NPY5R: variants seen among roughly 807,000 people sequenced by gnomAD.
NPY5R encodes neuropeptide Y receptor type 5.
In NPY5R, 21 loss-of-function variants were observed where a neutral mutation model predicts 24.8. The ratio of observed to expected loss-of-function variants is 0.85; its 90% CI spans 0.60 to 1.22. The LOEUF (loss-of-function observed/expected upper bound fraction) is 1.22, where lower values mean the gene tolerates loss of function less well. NPY5R is among the 50% of genes most tolerant of loss of function. The pLI, the probability that NPY5R is intolerant of heterozygous loss-of-function variation, is 0.00. For missense variants in NPY5R, 481 were observed against 521.3 expected (o/e 0.92, Z 0.75); for synonymous variants, 175 against 183.0 (o/e 0.96, Z 0.35).
rs752715264 is a variant in NPY5R at position 163,347,457 on chromosome 4, A to G, written c.-75A>G. On this transcript the variant is annotated 5_prime_UTR_variant, in exon 3 of 4. Transcript: ENST00000338566. ...TCTCTCTTGTTCTTGCTTAGGTGTT[A>G]CAAGGAAAGGCTATCGGTAACAACT... 6.6e-6 allele frequency: 1 copy of G among 152,256 alleles called. No individual in the cohort carries two copies. Among genetic ancestry groups the G allele is most frequent in the Non-Finnish European group, 1.5e-5 (1 of 68,048 alleles). 9.4% of individuals were successfully genotyped at this position (152,256 alleles called of 1,614,324 possible). A position where few individuals can be genotyped will look rare whatever the true frequency, so the allele number is the denominator to read the frequency against.
intron 2 of NPY5R, among the ~76,000 whole-genome samples, chr4:163,347,014 T>C (rs1002608701): frequency 7.9e-5 from 12 of 152,206 alleles, no homozygotes; most frequent in African/African-American, 2.9e-4. Flanking sequence ...TATACACACA[T>C]ATATATGTAC....
chr4:163,350,524 C>T lies in NPY5R; in HGVS notation c.251C>T (p.Ala84Val), dbSNP rs1226794730. ...TTVNFLIGNL[A>V]FSDILVVLFC... is the part of the protein sequence containing the mutation. ...GTAAACTTCCTCATAGGCAATCTGG[C>T]CTTTTCTGATATCTTGGTTGTGCTG... The change falls in exon 4 of 4, where the codon GCC becomes GTC. Residue 84 changes from alanine (A) to valine (V), a missense_variant. By Grantham distance (64) the Ala-to-Val change is moderately conservative (BLOSUM62 0). Transcript: ENST00000338566. 1 of 1,614,134 alleles carries T rather than the reference C, an allele frequency of 6.2e-7. No homozygotes were observed. Among genetic ancestry groups the T allele is most frequent in the East Asian group, 2.2e-5 (1 of 44,882 alleles).
In NPY5R at chr4:163,351,110, T is replaced by C. The variant is rs1207730935; in HGVS notation, c.837T>C (p.Tyr279=). 5.0e-6 allele frequency: 8 copies of C among 1,614,108 alleles called. No homozygotes were observed. The South Asian group carries it at 5.5e-5, about 11-fold the overall frequency. Residue 279 remains tyrosine (Y), a synonymous_variant, in exon 4 of 4, where the codon TAT becomes TAC. Transcript: ENST00000338566. ...TCTCTGGCAGCCATAAATGGAGTTA[T>C]TCATTCATCAAAAAACACAGAAGAA... The part of the protein sequence containing the change: ...VKLSGSHKWS[Y]SFIKKHRRRY...
At position 163,350,074 on chromosome 4, in the gene NPY5R, A is replaced by C. The variant is rs896151085; in HGVS notation, c.-9-191A>C. On this transcript the variant is annotated intron_variant, in intron 3 of 3. Coordinates refer to ENST00000338566, the MANE Select transcript of NPY5R (RefSeq NM_006174.4). ...AGCCGAGATGGCGCCACTGCACTCC[A>C]GCCTGGGCGACAGAGCGAGACTCCG... 2.9e-5 allele frequency: 10 copies of C among 341,434 alleles called. No homozygotes were observed. In the Admixed American group the frequency reaches 3.4e-4, roughly 12 times the overall value. 21.2% of individuals were successfully genotyped at this position (341,434 alleles called of 1,614,324 possible).
Position 163,351,235 on chromosome 4 carries a change from G to A in NPY5R, c.962G>A (p.Ser321Asn). 1 of 1,614,166 alleles carries A rather than the reference G, an allele frequency of 6.2e-7. No individual in the cohort carries two copies. The highest frequency in any genetic ancestry group is 8.5e-7 in the Non-Finnish European group (1 of 1,180,010). ...ILPENFGSVR[S>N]QLSSSSKFIP... Reference sequence around the variant, plus strand: ...CCAGAAAACTTTGGCTCTGTAAGAAGTCAGCTCTCTTCATCCAGTAAGTTC... The same window carrying A: ...CCAGAAAACTTTGGCTCTGTAAGAAATCAGCTCTCTTCATCCAGTAAGTTC... Residue 321 changes from serine to asparagine, a missense_variant, in exon 4 of 4, where the codon AGT becomes AAT. Transcript: ENST00000338566.
chr4:163,345,962 T>A (rs1202246161), intron 2 of NPY5R, among the ~76,000 whole-genome samples: 2 of 104,548 alleles, frequency 1.9e-5, no homozygotes. Context: ...GCATTTGCAA[T>A]ATTCATTATT....
At chr4:163,348,479 A>G (rs1560868541) in intron 3 of NPY5R, among the ~76,000 whole-genome samples, 1 of 151,814 alleles carries the variant, frequency 6.6e-6, no homozygotes, top group African/African-American at 2.4e-5. Context: ...AAATAGAAAG[A>G]TTAGCCAGAT....
intron 3 of NPY5R, among the ~76,000 whole-genome samples, chr4:163,347,951 T>C (rs1738162407): frequency 6.6e-6 from 1 of 152,222 alleles, no homozygotes; most frequent in African/African-American, 2.4e-5. Flanking sequence ...GAAAAACTTG[T>C]AACTTTTCTC....
chr4:163,348,473 A>G (rs919140655), intron 3 of NPY5R, among the ~76,000 whole-genome samples: 1 of 151,952 alleles, frequency 6.6e-6, no homozygotes, highest in Admixed American at 6.6e-5. Context: ...CACAAAAAAT[A>G]GAAAGATTAG....
At position 163,350,237 on chromosome 4, in the gene NPY5R, C is replaced by T. The variant is rs763606723; in HGVS notation, c.-9-28C>T. Reference sequence around the variant, plus strand: ...TAGTCATGTAATGTTTTTTTGGTTGCTGACAAATGTCTTTTTATTCCAAGC... The same window carrying T: ...TAGTCATGTAATGTTTTTTTGGTTGTTGACAAATGTCTTTTTATTCCAAGC... On this transcript the variant is annotated intron_variant, in intron 3 of 3. Coordinates refer to ENST00000338566, the MANE Select transcript of NPY5R (RefSeq NM_006174.4). 9 of 1,498,658 alleles carry T rather than the reference C, an allele frequency of 6.0e-6. No individual in the cohort carries two copies. In the African/African-American group the frequency reaches 1.1e-4, roughly 19 times the overall value. 92.8% of individuals were successfully genotyped at this position (1,498,658 alleles called of 1,614,324 possible).
At position 163,351,147 on chromosome 4, in the gene NPY5R, A is replaced by G. The variant is rs140627140; in HGVS notation, c.874A>G (p.Lys292Glu). Reference sequence around the variant, plus strand: ...AAAACACAGAAGAAGATATAGCAAGAAGACAGCATGTGTGTTACCTGCTCC... The same window carrying G: ...AAAACACAGAAGAAGATATAGCAAGGAGACAGCATGTGTGTTACCTGCTCC... Reference protein sequence around the residue: ...IKKHRRRYSKKTACVLPAPER... With the variant: ...IKKHRRRYSKETACVLPAPER... Residue 292 changes from lysine (K) to glutamate (E), a missense_variant, in exon 4 of 4, where the codon AAG becomes GAG. Physicochemically the swap from Lys to Glu is moderately conservative, Grantham distance 56. Coordinates refer to ENST00000338566, the MANE Select transcript of NPY5R (RefSeq NM_006174.4). 1 of 1,614,124 alleles carries G rather than the reference A, an allele frequency of 6.2e-7. No homozygotes were observed. The highest frequency in any genetic ancestry group is 1.1e-5 in the South Asian group (1 of 91,084).
At chr4:163,344,663 T>C (rs1735142063) in intron 1 of NPY5R, 1 of 152,204 alleles carries the variant, frequency 6.6e-6, no homozygotes, top group African/African-American at 2.4e-5. Context: ...CAAACATCCA[T>C]AGAACTCGAA....
chr4:163,350,671 T>C lies in NPY5R; in HGVS notation c.398T>C (p.Ile133Thr), dbSNP rs1735455663. The change falls in exon 4 of 4, where the codon ATA becomes ACA. Residue 133 changes from isoleucine (I) to threonine (T), a missense_variant. Coordinates refer to ENST00000338566, the MANE Select transcript of NPY5R (RefSeq NM_006174.4). ...VSVLVSTLIL[I>T]SIAIVRYHMI... ...GTTTTGGTTTCAACTTTAATTTTAATATCAATTGCCATTGTCAGGTATCAT... is the reference window on the plus strand; with the variant it reads ...GTTTTGGTTTCAACTTTAATTTTAACATCAATTGCCATTGTCAGGTATCAT... 1 of 1,613,962 alleles carries C rather than the reference T, an allele frequency of 6.2e-7. No individual in the cohort carries two copies. The highest frequency in any genetic ancestry group is 8.5e-7 in the Non-Finnish European group (1 of 1,180,000).
chr4:163,344,736 T>C (rs1260240863), intron 1 of NPY5R: 2 of 152,400 alleles, frequency 1.3e-5, no homozygotes, highest in South Asian at 4.1e-4. Context: ...TTAAAGGAAC[T>C]GAGGCGTTGT....
At chr4:163,345,867 A>G (rs935988657) in intron 2 of NPY5R, 114 bp downstream of exon 2, 6 of 152,088 alleles carry the variant, frequency 3.9e-5, no homozygotes, top group Non-Finnish European at 8.8e-5. Context: ...CTAATGTTTA[A>G]ACTATCCCCT....
intron 1 of NPY5R, 27 bp downstream of exon 1, chr4:163,344,027 A>T (rs1311519740): frequency 1.3e-5 from 2 of 151,142 alleles, no homozygotes; most frequent in Non-Finnish European, 2.9e-5. Context: ...CTCCCTGCCA[A>T]CCCCTTTCGC....
rs1017753169 is a variant in NPY5R at position 163,347,448 on chromosome 4, T to G, written c.-80-4T>G. 1 of 152,220 alleles carries G rather than the reference T, an allele frequency of 6.6e-6. No homozygotes were observed. The highest frequency in any genetic ancestry group is 2.4e-5 in the African/African-American group (1 of 41,458). 9.4% of individuals were successfully genotyped at this position (152,220 alleles called of 1,614,324 possible). A position where few individuals can be genotyped will look rare whatever the true frequency, so the allele number is the denominator to read the frequency against. The stretch of plus-strand genomic sequence containing the variant: ...CATCTAATTTCTCTCTTGTTCTTGC[T>G]TAGGTGTTACAAGGAAAGGCTATCG... On this transcript the variant is annotated splice_region_variant and splice_polypyrimidine_tract_variant and intron_variant, in intron 2 of 3. Coordinates refer to ENST00000338566, the MANE Select transcript of NPY5R (RefSeq NM_006174.4).
chr4:163,344,512 G>C (rs1468233376), intron 1 of NPY5R: 2 of 152,226 alleles, frequency 1.3e-5, no homozygotes, highest in Non-Finnish European at 2.9e-5. Flanking sequence ...TGGCGAGGCC[G>C]GGGGCGCAGC....
chr4:163,346,809 A>T (rs1283791309), intron 2 of NPY5R, among the ~76,000 whole-genome samples: 5 of 152,182 alleles, frequency 3.3e-5, no homozygotes, highest in Non-Finnish European at 5.9e-5. Flanking sequence ...TACATTTTTT[A>T]AATGTTGTAA....
Sources: allele counts gnomAD v4.1 joint callset (sites outside exome capture counted in the v4.1 genomes callset), GRCh38; gene constraint gnomAD v4.1.1; transcripts MANE v1.5; gene names NCBI Gene and HGNC (gene_info 2026-07-23, HGNC 2026-07-21).